Variants in FBLN5 observed in about 807,000 individuals in gnomAD.
FBLN5 encodes fibulin 5, also known as fibulin-5.
A neutral mutation model predicts 61.6 loss-of-function variants in FBLN5; 24 were observed. That is an observed-to-expected ratio of 0.39 (90% CI 0.28 to 0.55). FBLN5 has a LOEUF of 0.55. FBLN5 is among the 20% of genes least tolerant of loss of function. The pLI is 0.65. For missense variants in FBLN5, 470 were observed against 594.1 expected, an observed-to-expected ratio of 0.79 and a Z score of 2.17; for synonymous variants, 213 against 219.8, an observed-to-expected ratio of 0.97 and a Z score of 0.27.
At chr14:91,927,360 T>C (rs4904826) in intron 4 of FBLN5, among the ~76,000 whole-genome samples, 3 of 152,024 alleles carry the variant, frequency 2.0e-5, no homozygotes, top group Non-Finnish European at 4.4e-5. Flanking sequence ...GCAGATGCTA[T>C]GCAGACACCA....
intron 4 of FBLN5, among the ~76,000 whole-genome samples, chr14:91,929,110 CA>C (rs1566824866): frequency 0.016 from 2,234 of 142,832 alleles, 65 homozygotes; most frequent in African/African-American, 0.054. Flanking sequence ...CACACACACA[CA>C]CACCCCACAC....
At chr14:91,940,644 G>T in intron 2 of FBLN5, 28 bp from the exon 3 acceptor site, 1 of 1,608,136 alleles carries the variant, frequency 6.2e-7, no homozygotes, top group Non-Finnish European at 8.5e-7. Flanking sequence ...GGAGAAACAG[G>T]CAAGGTCATT....
chr14:91,890,974 CTG>C (rs1889966669), intron 6 of FBLN5, among the ~76,000 whole-genome samples: 1 of 152,218 alleles, frequency 6.6e-6, no homozygotes, highest in East Asian at 1.9e-4. Context: ...ATCCATGAAA[CTG>C]TACACTCCCA....
chr14:91,927,971 A>G (rs567236078), intron 4 of FBLN5, among the ~76,000 whole-genome samples: 2 of 152,382 alleles, frequency 1.3e-5, no homozygotes, highest in South Asian at 2.1e-4. Context: ...GAAGTGACCT[A>G]CTACACAAAG....
chr14:91,888,402 C>T (rs981605198), intron 6 of FBLN5, among the ~76,000 whole-genome samples: 13 of 151,900 alleles, frequency 8.6e-5, no homozygotes, highest in African/African-American at 2.7e-4. Flanking sequence ...ATCAGGCATT[C>T]GAGACCAGCC....
chr14:91,936,933 G>A lies in FBLN5; in HGVS notation c.379+14C>T, dbSNP rs1364950306. On this transcript the variant is annotated intron_variant, in intron 4 of 10. Transcript: ENST00000342058. ...AAAGCACAGCGGAGAGGAACAAAAG[G>A]CCGGGCTACTCACCCACACATTGGT... The A allele has an allele frequency of 1.9e-6, 3 of 1,614,148 alleles. No individual in the cohort carries two copies. The South Asian group carries it at 3.3e-5, about 18-fold the overall frequency.
chr14:91,910,472 C>T (rs748088107), intron 4 of FBLN5, among the ~76,000 whole-genome samples: 3 of 152,136 alleles, frequency 2.0e-5, no homozygotes, highest in Non-Finnish European at 4.4e-5. Context: ...TTCACACTAC[C>T]GCGCTGTGCA....
At chr14:91,909,042 C>T (rs751928593) in intron 4 of FBLN5, among the ~76,000 whole-genome samples, 4 of 151,904 alleles carry the variant, frequency 2.6e-5, no homozygotes, top group Middle Eastern at 3.2e-3. Context: ...CTCAGCCTCC[C>T]GAGTAGCTGG....
At chr14:91,910,298 C>T (rs952544112) in intron 4 of FBLN5, among the ~76,000 whole-genome samples, 3 of 152,052 alleles carry the variant, frequency 2.0e-5, no homozygotes, top group East Asian at 3.9e-4. Flanking sequence ...TGTATGAGTC[C>T]ACTTATATGA....
At chr14:91,944,257 A>G (rs1222070231) in intron 1 of FBLN5, among the ~76,000 whole-genome samples, 1 of 152,218 alleles carries the variant, frequency 6.6e-6, no homozygotes, top group African/African-American at 2.4e-5. Flanking sequence ...AAATAAAAAT[A>G]CAAAATCTCT....
At chr14:91,922,310 TAAAG>T (rs2055750219) in intron 4 of FBLN5, among the ~76,000 whole-genome samples, 1 of 127,800 alleles carries the variant, frequency 7.8e-6, no homozygotes, top group Admixed American at 8.6e-5. Context: ...ATAATAATAA[TAAAG>T]TAAATAAATA....
intron 7 of FBLN5, 78 bp downstream of exon 7, chr14:91,887,115 A>G: frequency 6.6e-7 from 1 of 1,509,682 alleles, no homozygotes; most frequent in Non-Finnish European, 9.2e-7. Context: ...GGAAACACCT[A>G]TGAAGGAAGC....
At chr14:91,889,229 G>A (rs1033781764) in intron 6 of FBLN5, among the ~76,000 whole-genome samples, 1 of 152,228 alleles carries the variant, frequency 6.6e-6, no homozygotes, top group Non-Finnish European at 1.5e-5. Flanking sequence ...TGCAAGTTCA[G>A]ACAGGACAGT....
At chr14:91,915,752 C>G (rs4904824) in intron 4 of FBLN5, among the ~76,000 whole-genome samples, 1 of 148,760 alleles carries the variant, frequency 6.7e-6, no homozygotes, top group Admixed American at 6.8e-5. Context: ...ACTCACACAC[C>G]CAAAAATACC....
chr14:91,877,710 T>G, intron 9 of FBLN5, 28 bp from the exon 10 acceptor site: 1 of 1,589,020 alleles, frequency 6.3e-7, no homozygotes, highest in Non-Finnish European at 8.6e-7. Context: ...ACGTGAGAAC[T>G]CAAGAAATCC....
Position 91,943,523 on chromosome 14 carries a change from A to G in FBLN5, c.18-562T>C, listed in dbSNP as rs1007173026. ...GACCTTGTCCTCCCCCCACCCCCCA[A>G]AAAAGCTAAAACCTCCCACTATGGT... On this transcript the variant is annotated intron_variant, in intron 1 of 10. Coordinates refer to ENST00000342058, the MANE Select transcript of FBLN5 (RefSeq NM_006329.4). This position sits in a 1 kb window ranked among gnomAD's most constrained non-coding sequence, Gnocchi z 4.0. Among the ~76,000 whole-genome samples, 1 of 151,942 alleles carries G rather than the reference A, an allele frequency of 6.6e-6. No homozygotes were observed. The highest frequency in any genetic ancestry group is 1.5e-5 in the Non-Finnish European group (1 of 67,980).
intron 4 of FBLN5, among the ~76,000 whole-genome samples, chr14:91,925,090 G>A (rs1236991929): frequency 2.6e-5 from 4 of 152,030 alleles, no homozygotes; most frequent in African/African-American, 9.7e-5. Context: ...CTGATTCCTG[G>A]GGGACGTGTT....
chr14:91,887,701 G>A (rs1293144172), intron 6 of FBLN5, among the ~76,000 whole-genome samples: 1 of 152,092 alleles, frequency 6.6e-6, no homozygotes, highest in Non-Finnish European at 1.5e-5. Flanking sequence ...CACCCTCACT[G>A]ACTTGGAAGT....
intron 4 of FBLN5, among the ~76,000 whole-genome samples, chr14:91,934,394 A>G (rs1328035763): frequency 6.6e-6 from 1 of 152,066 alleles, no homozygotes; most frequent in Non-Finnish European, 1.5e-5. Flanking sequence ...CGGTTTCCTC[A>G]TGGGTACAAT....
Sources: allele counts gnomAD v4.1 joint callset (sites outside exome capture counted in the v4.1 genomes callset), GRCh38; gene constraint gnomAD v4.1.1; non-coding constraint Gnocchi (gnomAD v3.1); transcripts MANE v1.5; gene names NCBI Gene and HGNC (gene_info 2026-07-23, HGNC 2026-07-21).